Variants in FYN observed in about 807,000 individuals in gnomAD.
FYN encodes tyrosine-protein kinase Fyn.
In FYN, 10 loss-of-function variants were observed where a neutral mutation model predicts 70.2. The observed-to-expected ratio is 0.14, with a 90% CI of 0.09 to 0.24. FYN has a LOEUF of 0.24. Ranked by LOEUF, FYN falls within the 10% of genes least tolerant of loss-of-function variation. The pLI, the probability that FYN is intolerant of heterozygous loss-of-function variation, is 1.00. For synonymous variants in FYN, 236 were observed against 248.6 expected, an observed-to-expected ratio of 0.95 and a Z score of 0.48; for missense variants, 319 against 673.1, an observed-to-expected ratio of 0.47 and a Z score of 5.82.
chr6:111,826,241 T>A (rs1205981437), intron 2 of FYN, among the ~76,000 whole-genome samples: 1 of 152,128 alleles, frequency 6.6e-6, no homozygotes, highest in East Asian at 1.9e-4. Flanking sequence ...AGCTACAGCA[T>A]TATGGCACAC....
At chr6:111,797,455 A>G (rs112665755) in intron 2 of FYN, among the ~76,000 whole-genome samples, 340 of 151,936 alleles carry the variant, frequency 2.2e-3, no homozygotes, top group African/African-American at 7.6e-3. Flanking sequence ...CAGAGAAGTG[A>G]GCAAATATTT....
At chr6:111,691,812 G>C (rs1379280391) in intron 12 of FYN, among the ~76,000 whole-genome samples, 2 of 152,250 alleles carry the variant, frequency 1.3e-5, no homozygotes, top group African/African-American at 4.8e-5. Flanking sequence ...TCACTGACTT[G>C]ATGAGATGTG....
intron 2 of FYN, among the ~76,000 whole-genome samples, chr6:111,808,680 C>T (rs1028419138): frequency 6.6e-6 from 1 of 152,114 alleles, no homozygotes; most frequent in African/African-American, 2.4e-5. Flanking sequence ...ACGAAGACGC[C>T]AGGTGCAAAA....
At chr6:111,863,817 G>A (rs1032829338) in intron 1 of FYN, among the ~76,000 whole-genome samples, 32 of 152,100 alleles carry the variant, frequency 2.1e-4, no homozygotes, top group Admixed American at 1.6e-3. Context: ...TTATGATCCC[G>A]GGCCCCTCTC....
At chr6:111,787,441 C>G (rs1395466573) in intron 2 of FYN, among the ~76,000 whole-genome samples, 4 of 152,142 alleles carry the variant, frequency 2.6e-5, no homozygotes, top group Admixed American at 1.3e-4. Flanking sequence ...GTTTTGGTAC[C>G]AGTACCATGC....
At chr6:111,803,274 A>T (rs1030551741) in intron 2 of FYN, among the ~76,000 whole-genome samples, 1 of 152,236 alleles carries the variant, frequency 6.6e-6, no homozygotes, top group South Asian at 2.1e-4. Flanking sequence ...GTATTAATTC[A>T]ATCACTTCAA....
chr6:111,801,902 T>C (rs1771997608), intron 2 of FYN, among the ~76,000 whole-genome samples: 1 of 152,206 alleles, frequency 6.6e-6, no homozygotes, highest in Non-Finnish European at 1.5e-5. Flanking sequence ...CTCTGTGTAA[T>C]GAATGACTAA....
intron 3 of FYN, among the ~76,000 whole-genome samples, chr6:111,769,514 T>C (rs746196591): frequency 2.6e-5 from 4 of 152,204 alleles, no homozygotes; most frequent in African/African-American, 4.8e-5. Flanking sequence ...TGATATTTCA[T>C]TGTGAGTAAT....
intron 12 of FYN, among the ~76,000 whole-genome samples, chr6:111,691,653 C>T (rs1395666156): frequency 6.6e-6 from 1 of 152,184 alleles, no homozygotes; most frequent in Non-Finnish European, 1.5e-5. Flanking sequence ...TTATAAACAG[C>T]TGGGTTGTCC....
intron 3 of FYN, among the ~76,000 whole-genome samples, chr6:111,727,748 G>A (rs1171571343): frequency 2.0e-5 from 3 of 152,092 alleles, no homozygotes; most frequent in Non-Finnish European, 2.9e-5. Context: ...CTCTCATACC[G>A]CACAGCAAGG....
chr6:111,837,307 G>C (rs568303755), intron 2 of FYN, among the ~76,000 whole-genome samples: 2 of 152,178 alleles, frequency 1.3e-5, no homozygotes, highest in East Asian at 3.9e-4. Context: ...CAGTAGAATG[G>C]GGAAAGTGGC....
At chr6:111,696,806 G>T in intron 9 of FYN, 1 of 168,926 alleles carries the variant, frequency 5.9e-6, no homozygotes, top group Non-Finnish European at 1.3e-5. Flanking sequence ...GTTGGAACAG[G>T]CCTGGCCATC....
chr6:111,731,878 C>T (rs1801474766), intron 3 of FYN, among the ~76,000 whole-genome samples: 2 of 152,112 alleles, frequency 1.3e-5, no homozygotes, highest in Admixed American at 6.6e-5. Flanking sequence ...ATATGTCGTG[C>T]GTGTCTCAGT....
At chr6:111,699,553 T>C (rs912069266) in intron 9 of FYN, 2 of 1,614,184 alleles carry the variant, frequency 1.2e-6, no homozygotes, top group Non-Finnish European at 1.7e-6. Flanking sequence ...ACCCAGCTTC[T>C]TCTCCAGACA....
chr6:111,686,524 G>A (rs925797654), intron 12 of FYN, among the ~76,000 whole-genome samples: 1 of 152,220 alleles, frequency 6.6e-6, no homozygotes, highest in Admixed American at 6.5e-5. Context: ...GCACCACTGA[G>A]TTGGGAACAC....
At chr6:111,806,625 G>C (rs1027500660) in intron 2 of FYN, among the ~76,000 whole-genome samples, 1 of 152,236 alleles carries the variant, frequency 6.6e-6, no homozygotes, top group South Asian at 2.1e-4. Context: ...CTTTGCAGGA[G>C]ATGGAGCTGC....
chr6:111,776,944 A>G (rs1770964990), intron 3 of FYN, among the ~76,000 whole-genome samples: 2 of 152,226 alleles, frequency 1.3e-5, no homozygotes, highest in South Asian at 4.1e-4. Context: ...CTCAATCTCA[A>G]TCATCTGTAA....
At chr6:111,753,985 T>C (rs888866422) in intron 3 of FYN, among the ~76,000 whole-genome samples, 5 of 152,240 alleles carry the variant, frequency 3.3e-5, no homozygotes, top group Middle Eastern at 3.4e-3. Flanking sequence ...GGGAGGTTAG[T>C]AGGAAGAAAC....
chr6:111,668,110 AAGG>A (rs1158080357), intron 13 of FYN, among the ~76,000 whole-genome samples: 1 of 152,138 alleles, frequency 6.6e-6, no homozygotes, highest in African/African-American at 2.4e-5. Context: ...TGGCGCTGGG[AAGG>A]AGGAGGGGTG....
Sources: allele counts gnomAD v4.1 joint callset (sites outside exome capture counted in the v4.1 genomes callset), GRCh38; gene constraint gnomAD v4.1.1; transcripts MANE v1.5; gene names NCBI Gene and HGNC (gene_info 2026-07-23, HGNC 2026-07-21).